Variants in OPCML observed in about 807,000 individuals in gnomAD.
The protein encoded by OPCML is opioid binding protein/cell adhesion molecule like, also known as opioid-binding protein/cell adhesion molecule.
A neutral mutation model predicts 37.8 loss-of-function variants in OPCML; 13 were observed. The observed-to-expected ratio is 0.34, with a 90% confidence interval of 0.22 to 0.55. The LOEUF is 0.55. Among genes scored for constraint, OPCML ranks in the 20% least tolerant of loss-of-function variants. OPCML has a pLI of 0.91. For missense variants in OPCML, 341 were observed against 435.6 expected (o/e 0.78, Z 1.93); for synonymous variants, 176 against 168.8 (o/e 1.04, Z -0.33).
chr11:133,425,353 A>C (rs1440528660), intron 1 of OPCML, among the ~76,000 whole-genome samples: 1 of 152,130 alleles, frequency 6.6e-6, no homozygotes, highest in Non-Finnish European at 1.5e-5. Flanking sequence ...CTTGACCCAC[A>C]AGCTATTTTG....
chr11:133,050,874 G>C (rs1317129225), intron 1 of OPCML, among the ~76,000 whole-genome samples: 1 of 152,088 alleles, frequency 6.6e-6, no homozygotes, highest in Non-Finnish European at 1.5e-5. Flanking sequence ...ATTCACATCA[G>C]CCTCTGCTTC....
chr11:133,069,511 C>T (rs1422428267), intron 1 of OPCML, among the ~76,000 whole-genome samples: 2 of 152,084 alleles, frequency 1.3e-5, no homozygotes, highest in South Asian at 2.1e-4. Flanking sequence ...TGTGTGTGTT[C>T]GAACCTGAAT....
intron 2 of OPCML, among the ~76,000 whole-genome samples, chr11:132,744,742 A>G (rs980640899): frequency 2.0e-5 from 3 of 152,244 alleles, no homozygotes; most frequent in Admixed American, 2.0e-4. Context: ...AAGCATGTGC[A>G]AAGTAATACA....
intron 4 of OPCML, among the ~76,000 whole-genome samples, chr11:132,445,103 T>A (rs943308847): frequency 2.0e-5 from 3 of 152,172 alleles, no homozygotes; most frequent in Non-Finnish European, 4.4e-5. Context: ...CTTGCCCCCA[T>A]CCAGGGCGGC....
intron 1 of OPCML, among the ~76,000 whole-genome samples, chr11:133,442,231 T>C (rs1165858609): frequency 1.3e-5 from 2 of 152,194 alleles, no homozygotes; most frequent in Non-Finnish European, 2.9e-5. Flanking sequence ...TGCCATGCTT[T>C]TATTGTTTTT....
intron 3 of OPCML, among the ~76,000 whole-genome samples, chr11:132,583,244 G>A (rs973809905): frequency 2.0e-5 from 3 of 151,834 alleles, no homozygotes; most frequent in African/African-American, 7.3e-5. Flanking sequence ...TTAAATTACA[G>A]TTTTAAAAGA....
intron 2 of OPCML, among the ~76,000 whole-genome samples, chr11:132,729,587 T>C (rs1483803537): frequency 6.6e-6 from 1 of 152,180 alleles, no homozygotes; most frequent in Non-Finnish European, 1.5e-5. Flanking sequence ...CAGCCACAGT[T>C]TAATCACACT....
chr11:133,078,441 G>A (rs1459256183), intron 1 of OPCML, among the ~76,000 whole-genome samples: 1 of 152,234 alleles, frequency 6.6e-6, no homozygotes, highest in Non-Finnish European at 1.5e-5. Context: ...AAAAGAAAAT[G>A]AGCAATGGAG....
At chr11:133,422,075 G>A (rs1469736196) in intron 1 of OPCML, 25 of 929,160 alleles carry the variant, frequency 2.7e-5, no homozygotes, top group African/African-American at 1.4e-4. Context: ...CCATCCACCC[G>A]TCATCTACAT....
chr11:132,575,071 C>T (rs984142530), intron 3 of OPCML, among the ~76,000 whole-genome samples: 5 of 151,916 alleles, frequency 3.3e-5, no homozygotes, highest in Admixed American at 3.3e-4. Context: ...AGTATAACCA[C>T]TCCTGCTTTC....
At chr11:133,329,213 G>A (rs1481292154) in intron 1 of OPCML, among the ~76,000 whole-genome samples, 1 of 152,168 alleles carries the variant, frequency 6.6e-6, no homozygotes, top group Non-Finnish European at 1.5e-5. Context: ...AACATTCCAC[G>A]CTCATGGGTA....
intron 3 of OPCML, among the ~76,000 whole-genome samples, chr11:132,646,085 G>A (rs890000585): frequency 1.3e-5 from 2 of 152,084 alleles, no homozygotes; most frequent in Non-Finnish European, 2.9e-5. Flanking sequence ...TGGAAAGGGT[G>A]GGAGGGGGGT....
At chr11:133,400,490 C>T (rs569449664) in intron 1 of OPCML, among the ~76,000 whole-genome samples, 1 of 152,086 alleles carries the variant, frequency 6.6e-6, no homozygotes, top group African/African-American at 2.4e-5. Flanking sequence ...TAAGAGCTTT[C>T]CCAGAAATGA....
Position 133,405,100 on chromosome 11 carries a change from GATT to G in OPCML, c.61+127161_61+127163del, listed in dbSNP as rs1216359808. 2.0e-5 allele frequency among the ~76,000 whole-genome samples: 3 copies of G among 152,174 alleles called. No individual in the cohort carries two copies. The East Asian group carries it at 5.8e-4, about 29-fold the overall frequency. On this transcript the variant is annotated intron_variant, in intron 1 of 7. Coordinates refer to ENST00000524381, the MANE Select transcript of OPCML (RefSeq NM_001012393.5). ...TATACATAGGACACTCAGTAAAAGG[GATT>G]ATTAAGGACGCTTGCTCAAGCAAGG...
chr11:132,597,053 A>G (rs1281701581), intron 3 of OPCML, among the ~76,000 whole-genome samples: 1 of 152,214 alleles, frequency 6.6e-6, no homozygotes, highest in Non-Finnish European at 1.5e-5. Flanking sequence ...TTATTGAGAC[A>G]CTATCCTTTT....
chr11:133,226,885 C>CCA (rs1565516050), intron 1 of OPCML, among the ~76,000 whole-genome samples: 55 of 152,170 alleles, frequency 3.6e-4, no homozygotes, highest in African/African-American at 1.1e-3. Context: ...GAGAGAGAGT[C>CCA]CCTTGGCACC....
chr11:132,809,497 A>C (rs1207396794), intron 2 of OPCML, among the ~76,000 whole-genome samples: 1 of 152,152 alleles, frequency 6.6e-6, no homozygotes, highest in African/African-American at 2.4e-5. Flanking sequence ...TACGGAGCTT[A>C]TTTTTAATGT....
intron 1 of OPCML, among the ~76,000 whole-genome samples, chr11:133,520,702 G>A (rs76205504): frequency 0.057 from 8,640 of 152,226 alleles, 684 homozygotes; most frequent in African/African-American, 0.17. Context: ...GACTGCAACT[G>A]TAAGAGGCAG....
intron 2 of OPCML, among the ~76,000 whole-genome samples, chr11:132,930,138 C>A (rs1945149328): frequency 6.6e-6 from 1 of 152,064 alleles, no homozygotes; most frequent in Admixed American, 6.5e-5. Context: ...CCAAAGCAGG[C>A]AGATAGCTTG....
Sources: gnomAD v4.1 joint callset for allele counts (sites outside exome capture counted in the v4.1 genomes callset) on GRCh38, gnomAD v4.1.1 for gene constraint, MANE v1.5 for transcripts, NCBI Gene and HGNC (gene_info 2026-07-23, HGNC 2026-07-21) for gene names.